Variants in F13A1 observed in about 807,000 individuals in gnomAD.
The protein encoded by F13A1 is coagulation factor XIII A chain.
Under a neutral mutation model 80.1 loss-of-function variants are expected in F13A1, and 47 were observed. The ratio of observed to expected loss-of-function variants is 0.59; its 90% CI spans 0.46 to 0.75. The LOEUF is 0.75. F13A1 is among the 30% of genes least tolerant of loss of function. F13A1 has a pLI of 0.00. For synonymous variants in F13A1, 349 were observed against 344.9 expected (o/e 1.01, Z -0.13); for missense variants, 817 against 930.4 (o/e 0.88, Z 1.59).
intron 6 of F13A1, among the ~76,000 whole-genome samples, chr6:6,225,295 G>A (rs1757260889): frequency 6.6e-6 from 1 of 152,170 alleles, no homozygotes; most frequent in Admixed American, 6.5e-5. Context: ...TGAGAAATTA[G>A]TGGTCTAATG....
At chr6:6,233,141 AC>A (rs765588176) in intron 6 of F13A1, among the ~76,000 whole-genome samples, 5 of 152,120 alleles carry the variant, frequency 3.3e-5, no homozygotes, top group Non-Finnish European at 7.4e-5. Context: ...AAACAAAAAT[AC>A]AAAAGATAAA....
At chr6:6,194,452 C>T (rs779199437) in intron 10 of F13A1, among the ~76,000 whole-genome samples, 3 of 152,146 alleles carry the variant, frequency 2.0e-5, no homozygotes, top group Non-Finnish European at 4.4e-5. Flanking sequence ...CCTAATCATC[C>T]CTCCTTCCCA....
intron 4 of F13A1, among the ~76,000 whole-genome samples, chr6:6,263,298 G>A (rs563530590): frequency 4.6e-5 from 7 of 152,218 alleles, no homozygotes; most frequent in African/African-American, 1.7e-4. Flanking sequence ...TAGTGAAACC[G>A]TCCTTTTCAA....
chr6:6,151,876 A>G lies in F13A1; in HGVS notation c.1982T>C (p.Leu661Pro), dbSNP rs1378792617. ...VEFTNPLKETLRNVWVHLDGP... is the reference protein window; with the variant it reads ...VEFTNPLKETPRNVWVHLDGP... ...ATCCAGGTGTACCCAGACATTTCGCAGGGTTTCTTTTAAAGGATTGGTAAA... is the reference window on the plus strand; with the variant it reads ...ATCCAGGTGTACCCAGACATTTCGCGGGGTTTCTTTTAAAGGATTGGTAAA... Residue 661 changes from leucine to proline, a missense_variant, in exon 14 of 15, where the codon CTG becomes CCG. Coordinates refer to ENST00000264870, the MANE Select transcript of F13A1 (RefSeq NM_000129.4). The G allele has an allele frequency of 1.2e-6, 2 of 1,614,094 alleles. No homozygotes were observed. The highest frequency in any genetic ancestry group is 8.5e-7 in the Non-Finnish European group (1 of 1,179,970).
intron 6 of F13A1, among the ~76,000 whole-genome samples, chr6:6,228,398 C>G (rs1757305795): frequency 6.6e-6 from 1 of 152,068 alleles, no homozygotes; most frequent in Non-Finnish European, 1.5e-5. Flanking sequence ...TCAACAAAAA[C>G]CTGAGATTTC....
intron 2 of F13A1, chr6:6,305,748 T>C: frequency 1.7e-6 from 1 of 584,410 alleles, no homozygotes. Context: ...TTAAAGCTTT[T>C]TCCACCTTTG....
At chr6:6,152,981 G>A (rs1437094268) in intron 13 of F13A1, among the ~76,000 whole-genome samples, 2 of 152,214 alleles carry the variant, frequency 1.3e-5, no homozygotes, top group African/African-American at 4.8e-5. Context: ...ATATTGCAAG[G>A]CACATGGCAA....
chr6:6,271,907 T>G (rs911822819), intron 3 of F13A1, among the ~76,000 whole-genome samples: 1 of 152,262 alleles, frequency 6.6e-6, no homozygotes, highest in African/African-American at 2.4e-5. Context: ...TCCCCCCAGC[T>G]GGGATGTAGG....
In F13A1 at chr6:6,172,365, C is replaced by T. The variant is rs1760791274; in HGVS notation, c.1747+2215G>A. ...TGTCCTCTTCAGTCCTTTACACTGACTATTCTTTTCCATGAAAATTACCTT... is the reference window on the plus strand; with the variant it reads ...TGTCCTCTTCAGTCCTTTACACTGATTATTCTTTTCCATGAAAATTACCTT... On this transcript the variant is annotated intron_variant, in intron 12 of 14. Coordinates refer to ENST00000264870, the MANE Select transcript of F13A1 (RefSeq NM_000129.4). Among the ~76,000 whole-genome samples, 3 of 152,070 alleles carry T rather than the reference C, an allele frequency of 2.0e-5. No individual in the cohort carries two copies. The South Asian group carries it at 6.2e-4, about 32-fold the overall frequency.
At chr6:6,274,207 C>A (rs542519686) in intron 3 of F13A1, among the ~76,000 whole-genome samples, 12 of 152,312 alleles carry the variant, frequency 7.9e-5, no homozygotes, top group East Asian at 7.7e-4. Context: ...ATGTTTGGAA[C>A]GTAGTAGGTG....
At chr6:6,296,781 A>G (rs1245770646) in intron 3 of F13A1, among the ~76,000 whole-genome samples, 6 of 145,328 alleles carry the variant, frequency 4.1e-5, no homozygotes, top group Admixed American at 1.4e-4. Context: ...TTCCAACACT[A>G]TGTTGAATAG....
intron 10 of F13A1, among the ~76,000 whole-genome samples, chr6:6,190,765 C>T (rs1158859000): frequency 2.0e-5 from 3 of 152,130 alleles, no homozygotes; most frequent in Non-Finnish European, 2.9e-5. Flanking sequence ...GTTCGAGCTT[C>T]CTGGCTGCTT....
intron 13 of F13A1, among the ~76,000 whole-genome samples, chr6:6,159,443 A>AGTGTCCCAAGTTG (rs1344355698): frequency 2.0e-5 from 3 of 152,192 alleles, no homozygotes; most frequent in Non-Finnish European, 4.4e-5. Flanking sequence ...AAAACAAGCT[A>AGTGTCCCAAGTTG]GTGTCCCAAG....
intron 6 of F13A1, among the ~76,000 whole-genome samples, chr6:6,239,628 GT>G (rs59642797): frequency 0.013 from 1,963 of 152,134 alleles, 48 homozygotes; most frequent in African/African-American, 0.045. Context: ...TATTAACCTT[GT>G]CTCTCTCAGT....
intron 13 of F13A1, among the ~76,000 whole-genome samples, chr6:6,166,205 T>C (rs1346243570): frequency 6.6e-6 from 1 of 152,208 alleles, no homozygotes; most frequent in East Asian, 1.9e-4. Flanking sequence ...ATCTGTAAAG[T>C]GATGCCAGTA....
chr6:6,210,999 G>A (rs1761598597), intron 8 of F13A1, among the ~76,000 whole-genome samples: 1 of 152,194 alleles, frequency 6.6e-6, no homozygotes, highest in African/African-American at 2.4e-5. Flanking sequence ...CCAAAGTGCT[G>A]GGATTATAGG....
chr6:6,265,927 A>G (rs1028531626), intron 4 of F13A1, among the ~76,000 whole-genome samples: 1 of 152,216 alleles, frequency 6.6e-6, no homozygotes, highest in Admixed American at 6.5e-5. Context: ...CTGTCAACAT[A>G]TATTAGGTTG....
intron 8 of F13A1, among the ~76,000 whole-genome samples, chr6:6,218,377 C>G (rs969510620): frequency 1.3e-5 from 2 of 152,178 alleles, no homozygotes; most frequent in Non-Finnish European, 2.9e-5. Context: ...TGGACTGCAG[C>G]TAAACATTGA....
chr6:6,207,060 A>C (rs534979521), intron 8 of F13A1, among the ~76,000 whole-genome samples: 1 of 152,048 alleles, frequency 6.6e-6, no homozygotes, highest in Non-Finnish European at 1.5e-5. Flanking sequence ...AAGTGAAGCA[A>C]ACAACAATCT....
Sources: allele counts gnomAD v4.1 joint callset (sites outside exome capture counted in the v4.1 genomes callset), GRCh38; gene constraint gnomAD v4.1.1; transcripts MANE v1.5; gene names NCBI Gene and HGNC (gene_info 2026-07-23, HGNC 2026-07-21).